The following PSMF1 variants were observed in gnomAD, a reference collection of about 807,000 sequenced individuals.
The protein encoded by PSMF1 is proteasome inhibitor subunit 1.
In PSMF1, 30 loss-of-function variants were observed where a neutral mutation model predicts 29.3. The observed-to-expected ratio is 1.02, with a 90% CI of 0.77 to 1.39. PSMF1 has a LOEUF of 1.39. Ranked by LOEUF, PSMF1 falls within the 40% of genes most tolerant of loss-of-function variation. The probability of loss-of-function intolerance (pLI) is 0.00; values close to 1 mark genes in which losing one functional copy is unlikely to be tolerated. For synonymous variants in PSMF1, 134 were observed against 139.7 expected, an observed-to-expected ratio of 0.96 and a Z score of 0.29; for missense variants, 344 against 357.5, an observed-to-expected ratio of 0.96 and a Z score of 0.31.
At chr20:1,120,744 C>T (rs2086076643) in intron 1 of PSMF1, among the ~76,000 whole-genome samples, 1 of 152,126 alleles carries the variant, frequency 6.6e-6, no homozygotes, top group South Asian at 2.1e-4. Flanking sequence ...GCTCCCCCTG[C>T]CCTTTGTCTT....
intron 4 of PSMF1, among the ~76,000 whole-genome samples, chr20:1,150,951 G>A (rs1181648512): frequency 2.6e-5 from 4 of 152,164 alleles, no homozygotes; most frequent in Admixed American, 2.0e-4. Context: ...TATGTGTGGT[G>A]TGAGATTTAT....
intron 4 of PSMF1, among the ~76,000 whole-genome samples, chr20:1,158,780 A>G (rs2086627467): frequency 6.6e-6 from 1 of 152,222 alleles, no homozygotes; most frequent in African/African-American, 2.4e-5. Context: ...GCCATGTACG[A>G]AAATGATTTT....
In PSMF1 at chr20:1,164,390, A is replaced by C; in HGVS notation, c.678A>C (p.Ser226=). 2 of 1,613,980 alleles carry C rather than the reference A, an allele frequency of 1.2e-6. No individual in the cohort carries two copies. Among genetic ancestry groups the C allele is most frequent in the Non-Finnish European group, 1.7e-6 (2 of 1,179,926 alleles). ...GFPRALIDPS[S]GLPNRLPPGA... ...CAAGAGCACTTATTGACCCTTCCTC[A>C]GGCCTCCCGAACCGACTTCCTCCAG... The change falls in exon 6 of 7, where the codon TCA becomes TCC. Residue 226 remains serine, a synonymous_variant. Coordinates refer to ENST00000335877, the MANE Select transcript of PSMF1 (RefSeq NM_006814.5). The surrounding 1 kb of genome is among the most constrained non-coding windows in gnomAD (Gnocchi z 4.1).
At chr20:1,130,946 T>G (rs747102085) in intron 3 of PSMF1, among the ~76,000 whole-genome samples, 12 of 152,244 alleles carry the variant, frequency 7.9e-5, no homozygotes, top group Admixed American at 2.0e-4. Flanking sequence ...TGTGATCTCC[T>G]TGAGGGCAGG....
At chr20:1,116,476 A>C (rs953268430), upstream of PSMF1, among the ~76,000 whole-genome samples, 7 of 152,224 alleles carry the variant, frequency 4.6e-5, no homozygotes, top group African/African-American at 1.7e-4. Flanking sequence ...TGTCTCAAGG[A>C]AACTTTAGGA....
In PSMF1 at chr20:1,163,052, G is replaced by T; in HGVS notation, c.552-78G>T. ...TCATGCAAGGGTTTCCCATGCCTGT[G>T]AGTGTGTTTGTGATCCCACATGTAT... On this transcript the variant is annotated intron_variant, in intron 4 of 6. Transcript: ENST00000335877. The surrounding 1 kb of genome is among the most constrained non-coding windows in gnomAD (Gnocchi z 6.1). The T allele has an allele frequency of 3.3e-6, 5 of 1,508,344 alleles. No individual in the cohort carries two copies. The highest frequency in any genetic ancestry group is 4.6e-6 in the Non-Finnish European group (5 of 1,089,986). 93.4% of individuals were successfully genotyped at this position (1,508,344 alleles called of 1,614,324 possible). A position where few individuals can be genotyped will look rare whatever the true frequency, so the allele number is the denominator to read the frequency against.
chr20:1,129,659 G>C (rs1443511572), intron 3 of PSMF1, among the ~76,000 whole-genome samples: 1 of 152,188 alleles, frequency 6.6e-6, no homozygotes, highest in Non-Finnish European at 1.5e-5. Flanking sequence ...CATTACGATG[G>C]GTAGTATCAG....
At chr20:1,119,628 C>T (rs948668030) in intron 1 of PSMF1, among the ~76,000 whole-genome samples, 2 of 152,180 alleles carry the variant, frequency 1.3e-5, no homozygotes, top group Non-Finnish European at 2.9e-5. Flanking sequence ...CCCCAGGCTC[C>T]ACCTCTTACA....
chr20:1,163,944 C>G lies in PSMF1; in HGVS notation c.606-374C>G, dbSNP rs2086697212. 6.6e-6 allele frequency among the ~76,000 whole-genome samples: 1 copy of G among 152,212 alleles called. No individual in the cohort carries two copies. Among genetic ancestry groups the G allele is most frequent in the South Asian group, 2.1e-4 (1 of 4,834 alleles). Reference sequence around the variant, plus strand: ...TTAGTCCTTAAACCTAAAGTAGCACCCTGCAGAACCTTGTGAGTGCATTGT... The same window carrying G: ...TTAGTCCTTAAACCTAAAGTAGCACGCTGCAGAACCTTGTGAGTGCATTGT... On this transcript the variant is annotated intron_variant, in intron 5 of 6. Coordinates refer to ENST00000335877, the MANE Select transcript of PSMF1 (RefSeq NM_006814.5). The surrounding 1 kb of genome is among the most constrained non-coding windows in gnomAD (Gnocchi z 6.1).
chr20:1,139,804 A>T (rs1469943979), intron 4 of PSMF1, among the ~76,000 whole-genome samples: 1 of 152,174 alleles, frequency 6.6e-6, no homozygotes, highest in African/African-American at 2.4e-5. Context: ...GAACAATCTA[A>T]AAATTAATGA....
intron 4 of PSMF1, among the ~76,000 whole-genome samples, chr20:1,146,173 G>A (rs1166463646): frequency 6.6e-6 from 1 of 152,090 alleles, no homozygotes. Context: ...GATACTTCAT[G>A]AGTATCCTGG....
intron 4 of PSMF1, among the ~76,000 whole-genome samples, chr20:1,140,842 C>G (rs1002527614): frequency 3.9e-5 from 6 of 152,012 alleles, no homozygotes; most frequent in Non-Finnish European, 8.8e-5. Flanking sequence ...TCCATGAGCA[C>G]AAGAAAAGGT....
At chr20:1,125,969 A>G (rs1309342657) in intron 2 of PSMF1, 1 of 492,396 alleles carries the variant, frequency 2.0e-6, no homozygotes, top group Admixed American at 2.3e-5. Context: ...CCTTAAATAA[A>G]TTGAATTCTT....
At chr20:1,148,219 A>G (rs779831869) in intron 4 of PSMF1, among the ~76,000 whole-genome samples, 1 of 152,214 alleles carries the variant, frequency 6.6e-6, no homozygotes, top group Non-Finnish European at 1.5e-5. Context: ...ATAGCTAGAG[A>G]GGACATTCCA....
At chr20:1,136,105 T>C (rs905055777) in intron 4 of PSMF1, among the ~76,000 whole-genome samples, 3 of 152,250 alleles carry the variant, frequency 2.0e-5, no homozygotes, top group Admixed American at 6.5e-5. Context: ...GTTTAATTAT[T>C]CCAAGTAATG....
rs2090738923 is a variant in PSMF1, at chr20:1,172,022, A to C, written c.*6942A>C. ...GTAAAATGTAGATAAGGATGGACCCACCTCCCCAAGATCCTGCCTATCTGT... is the reference window on the plus strand; with the variant it reads ...GTAAAATGTAGATAAGGATGGACCCCCCTCCCCAAGATCCTGCCTATCTGT... On this transcript the variant is annotated 3_prime_UTR_variant, in exon 7 of 7. Coordinates refer to ENST00000335877, the MANE Select transcript of PSMF1 (RefSeq NM_006814.5). 6.6e-6 allele frequency among the ~76,000 whole-genome samples: 1 copy of C among 152,064 alleles called. No individual in the cohort carries two copies. Among genetic ancestry groups the C allele is most frequent in the Non-Finnish European group, 1.5e-5 (1 of 68,010 alleles).
At chr20:1,144,925 A>G (rs888528986) in intron 4 of PSMF1, among the ~76,000 whole-genome samples, 2 of 152,010 alleles carry the variant, frequency 1.3e-5, no homozygotes, top group Non-Finnish European at 2.9e-5. Flanking sequence ...AGACAGAGTC[A>G]CCCAGTGTGG....
chr20:1,156,735 G>A (rs2086599272), intron 4 of PSMF1, among the ~76,000 whole-genome samples: 1 of 152,154 alleles, frequency 6.6e-6, no homozygotes, highest in African/African-American at 2.4e-5. Context: ...AGAATTCATA[G>A]TCAATAGATC....
In PSMF1 at chr20:1,166,314, C is replaced by G. The variant is rs190099428; in HGVS notation, c.*1234C>G. Reference sequence around the variant, plus strand: ...AGCACCAGGCTAAGAGGCACGAGATCAAGGCGGTAGTCACTTCCGCTCTGC... The same window carrying G: ...AGCACCAGGCTAAGAGGCACGAGATGAAGGCGGTAGTCACTTCCGCTCTGC... On this transcript the variant is annotated 3_prime_UTR_variant, in exon 7 of 7. Coordinates refer to ENST00000335877, the MANE Select transcript of PSMF1 (RefSeq NM_006814.5). 1.6e-5 allele frequency: 25 copies of G among 1,540,854 alleles called. No individual in the cohort carries two copies. The South Asian group carries it at 2.8e-4, about 18-fold the overall frequency.
Sources: allele counts gnomAD v4.1 joint callset (sites outside exome capture counted in the v4.1 genomes callset), GRCh38; gene constraint gnomAD v4.1.1; non-coding constraint Gnocchi (gnomAD v3.1); transcripts MANE v1.5; gene names NCBI Gene and HGNC (gene_info 2026-07-23, HGNC 2026-07-21).